The following HIP1 variants were observed in gnomAD, a reference collection of about 807,000 sequenced individuals.
The protein encoded by HIP1 is huntingtin-interacting protein 1.
In HIP1, 65 loss-of-function variants were observed where a neutral mutation model predicts 147.6. That is an observed-to-expected ratio of 0.44 (90% CI 0.36 to 0.54). The LOEUF is 0.54. HIP1 is among the 20% of genes least tolerant of loss of function. The probability of loss-of-function intolerance (pLI) is 0.00; values close to 1 mark genes in which losing one functional copy is unlikely to be tolerated. For missense variants in HIP1, 1,061 were observed against 1,299.6 expected (o/e 0.82, Z 2.82); for synonymous variants, 479 against 504.0 (o/e 0.95, Z 0.67).
At chr7:75,639,562 CGTGTGTGTGTGT>C (rs57827695) in intron 1 of HIP1, among the ~76,000 whole-genome samples, 12 of 137,470 alleles carry the variant, frequency 8.7e-5, no homozygotes, top group Admixed American at 4.3e-4. Context: ...CGCCAGGAAG[CGTGTGTGTGTGT>C]GTGTGTGTGT....
intron 18 of HIP1, 93 bp from the exon 19 acceptor site, chr7:75,555,644 A>C: frequency 1.5e-5 from 21 of 1,389,414 alleles, no homozygotes; most frequent in Non-Finnish European, 2.1e-5. Flanking sequence ...ATCTTAGCTC[A>C]AGTCATGGCC....
At chr7:75,652,996 G>A (rs1162265924) in intron 1 of HIP1, among the ~76,000 whole-genome samples, 1 of 152,172 alleles carries the variant, frequency 6.6e-6, no homozygotes, top group African/African-American at 2.4e-5. Context: ...TTAATTCCAT[G>A]TGTCAACATG....
chr7:75,629,216 C>T (rs1452093625), intron 1 of HIP1, among the ~76,000 whole-genome samples: 4 of 152,172 alleles, frequency 2.6e-5, no homozygotes, highest in Admixed American at 1.3e-4. Flanking sequence ...TCTCCAGGCC[C>T]GGGTAGCAGT....
At chr7:75,594,541 C>T (rs926851768) in intron 2 of HIP1, among the ~76,000 whole-genome samples, 9 of 151,976 alleles carry the variant, frequency 5.9e-5, no homozygotes, top group South Asian at 2.1e-4. Flanking sequence ...TCTGGGAGGC[C>T]GAGGTGGGCA....
At chr7:75,682,360 G>C (rs886089996) in intron 1 of HIP1, among the ~76,000 whole-genome samples, 1 of 151,606 alleles carries the variant, frequency 6.6e-6, no homozygotes, top group Non-Finnish European at 1.5e-5. Context: ...GGGCTCAAGC[G>C]ATCCTCCCGC....
chr7:75,712,189 A>G (rs1199268265), intron 1 of HIP1, among the ~76,000 whole-genome samples: 1 of 152,058 alleles, frequency 6.6e-6, no homozygotes, highest in African/African-American at 2.4e-5. Flanking sequence ...GGGGGAAAAA[A>G]AGTTATTTTC....
At position 75,553,493 on chromosome 7, in the gene HIP1, G is replaced by T. The variant is rs781925066; in HGVS notation, c.2255C>A (p.Ala752Asp). 1.9e-6 allele frequency: 3 copies of T among 1,614,158 alleles called. No individual in the cohort carries two copies. Among genetic ancestry groups the T allele is most frequent in the Non-Finnish European group, 2.5e-6 (3 of 1,180,016 alleles). The change falls in exon 22 of 31, where the codon GCC becomes GAC. Residue 752 changes from alanine (A) to aspartate (D), a missense_variant. Physicochemically the swap from Ala to Asp is moderately radical, Grantham distance 126. Transcript: ENST00000336926. ...EGSLENADST[A>D]MRNCLSKIKA... ...GATCTTGCTCAGGCAGTTCCTCATG[G>T]CTGTGCTGTCGGCATTCTCAAGGCT...
intron 1 of HIP1, among the ~76,000 whole-genome samples, chr7:75,694,769 C>A (rs1295271088): frequency 6.6e-6 from 1 of 151,862 alleles, no homozygotes; most frequent in Admixed American, 6.6e-5. Context: ...CTCAGCCTCC[C>A]AAAGTGCTGG....
intron 1 of HIP1, chr7:75,625,626 A>T (rs1480130062): frequency 2.6e-5 from 4 of 152,216 alleles, no homozygotes; most frequent in African/African-American, 9.7e-5. Flanking sequence ...GTTTCTAGTG[A>T]GTAGAAAAGC....
At chr7:75,706,482 TA>T (rs1317877378) in intron 1 of HIP1, among the ~76,000 whole-genome samples, 5 of 144,870 alleles carry the variant, frequency 3.5e-5, no homozygotes, top group African/African-American at 1.1e-4. Context: ...TCTTTTTTTT[TA>T]TTTTTTTTTT....
intron 1 of HIP1, among the ~76,000 whole-genome samples, chr7:75,660,799 A>G (rs1332331106): frequency 6.6e-6 from 1 of 152,088 alleles, no homozygotes; most frequent in Non-Finnish European, 1.5e-5. Flanking sequence ...AAAACCAACA[A>G]TACCGCCAAA....
At chr7:75,574,656 A>G (rs587616603) in intron 7 of HIP1, among the ~76,000 whole-genome samples, 2 of 152,124 alleles carry the variant, frequency 1.3e-5, no homozygotes, top group East Asian at 1.9e-4. Context: ...GGAGAGCCCA[A>G]GAGCTGATGG....
chr7:75,629,636 A>G (rs1346352303), intron 1 of HIP1, among the ~76,000 whole-genome samples: 1 of 150,248 alleles, frequency 6.7e-6, no homozygotes, highest in Non-Finnish European at 1.5e-5. Context: ...TCCGCCTCCC[A>G]GGTTCAGGCG....
intron 1 of HIP1, among the ~76,000 whole-genome samples, chr7:75,678,213 G>A (rs921194116): frequency 2.6e-5 from 4 of 151,878 alleles, no homozygotes; most frequent in African/African-American, 9.7e-5. Context: ...ATGAATTTGT[G>A]TTCTGTCAGC....
intron 1 of HIP1, among the ~76,000 whole-genome samples, chr7:75,673,328 C>A (rs1362629464): frequency 3.3e-5 from 5 of 152,004 alleles, no homozygotes; most frequent in African/African-American, 1.2e-4. Flanking sequence ...CGGCCTTGTT[C>A]TTCTTTTTCA....
At chr7:75,559,543 CA>C (rs1795143374) in intron 14 of HIP1, among the ~76,000 whole-genome samples, 188 bp downstream of exon 14, 1 of 152,196 alleles carries the variant, frequency 6.6e-6, no homozygotes, top group East Asian at 1.9e-4. Context: ...GTGCCTCGCA[CA>C]CAGCTTTGTG....
intron 1 of HIP1, among the ~76,000 whole-genome samples, chr7:75,729,872 A>G (rs1218096720): frequency 2.6e-5 from 4 of 152,200 alleles, no homozygotes; most frequent in African/African-American, 9.6e-5. Context: ...GGCAGGCAGG[A>G]TGAGATGACA....
At chr7:75,673,015 TC>T (rs34585653) in intron 1 of HIP1, among the ~76,000 whole-genome samples, 50,096 of 145,850 alleles carry the variant, frequency 0.34, 8,759 homozygotes, top group South Asian at 0.39. Context: ...AACTGGGGAG[TC>T]CACCAACTTT....
At chr7:75,720,552 A>G (rs1250184960) in intron 1 of HIP1, among the ~76,000 whole-genome samples, 1 of 152,218 alleles carries the variant, frequency 6.6e-6, no homozygotes, top group Non-Finnish European at 1.5e-5. Flanking sequence ...TTAAAGAAAC[A>G]TATCTGTGGC....
Sources: gnomAD v4.1 joint callset for allele counts (sites outside exome capture counted in the v4.1 genomes callset) on GRCh38, gnomAD v4.1.1 for gene constraint, MANE v1.5 for transcripts, NCBI Gene and HGNC (gene_info 2026-07-23, HGNC 2026-07-21) for gene names.